The following ARHGAP42 variants were observed in gnomAD, a reference collection of about 807,000 sequenced individuals.
ARHGAP42 encodes Rho GTPase activating protein 42.
In ARHGAP42, 63 loss-of-function variants were observed where a neutral mutation model predicts 125.0. The observed-to-expected ratio is 0.50, with a 90% CI of 0.41 to 0.62. The LOEUF (loss-of-function observed/expected upper bound fraction) is 0.62. Ranked by LOEUF, ARHGAP42 falls within the 20% of genes least tolerant of loss-of-function variation. ARHGAP42 has a pLI of 0.00. For synonymous variants in ARHGAP42, 339 were observed against 351.0 expected, an observed-to-expected ratio of 0.97 and a Z score of 0.38; for missense variants, 766 against 1,024.2, an observed-to-expected ratio of 0.75 and a Z score of 3.44.
intron 3 of ARHGAP42, among the ~76,000 whole-genome samples, chr11:100,826,778 G>A (rs1281090651): frequency 6.6e-6 from 1 of 152,042 alleles, no homozygotes; most frequent in African/African-American, 2.4e-5. Flanking sequence ...CTGTCTCTCT[G>A]GGGTATGTAA....
At chr11:100,860,644 C>T (rs1865423973) in intron 4 of ARHGAP42, among the ~76,000 whole-genome samples, 1 of 152,028 alleles carries the variant, frequency 6.6e-6, no homozygotes, top group Admixed American at 6.6e-5. Flanking sequence ...TGAAGTCTTG[C>T]CAGACTTCAT....
At chr11:100,945,087 T>C (rs1867981035) in intron 10 of ARHGAP42, among the ~76,000 whole-genome samples, 1 of 152,108 alleles carries the variant, frequency 6.6e-6, no homozygotes, top group Non-Finnish European at 1.5e-5. Context: ...AATCCGTTGT[T>C]GTCATTCAAA....
chr11:100,977,579 C>T (rs1210947982), intron 21 of ARHGAP42, among the ~76,000 whole-genome samples: 1 of 152,060 alleles, frequency 6.6e-6, no homozygotes, highest in Non-Finnish European at 1.5e-5. Context: ...CCTGGCTAAA[C>T]AAGTAAGCAA....
chr11:100,897,773 A>G (rs976208384), intron 4 of ARHGAP42, among the ~76,000 whole-genome samples: 1 of 152,182 alleles, frequency 6.6e-6, no homozygotes, highest in Non-Finnish European at 1.5e-5. Context: ...GTATACAGTC[A>G]TGTCATCTGC....
At chr11:100,951,997 T>A (rs1441121574) in intron 12 of ARHGAP42, among the ~76,000 whole-genome samples, 4 of 152,204 alleles carry the variant, frequency 2.6e-5, no homozygotes, top group Non-Finnish European at 5.9e-5. Flanking sequence ...TAGGCTTTTA[T>A]TACCCAAGGG....
At chr11:100,798,610 TA>T (rs1863777719) in intron 3 of ARHGAP42, among the ~76,000 whole-genome samples, 2 of 152,236 alleles carry the variant, frequency 1.3e-5, no homozygotes, top group African/African-American at 4.8e-5. Context: ...AAATATAACT[TA>T]TTTGCACTGG....
At chr11:100,924,908 A>T (rs1398979570) in intron 6 of ARHGAP42, among the ~76,000 whole-genome samples, 6 of 151,636 alleles carry the variant, frequency 4.0e-5, no homozygotes, top group Non-Finnish European at 8.8e-5. Flanking sequence ...GCTCACTGCA[A>T]CCTCCACCTG....
chr11:100,916,618 T>C (rs114798019), intron 5 of ARHGAP42, among the ~76,000 whole-genome samples: 2,120 of 152,296 alleles, frequency 0.014, 52 homozygotes, highest in African/African-American at 0.048. Flanking sequence ...CACACTTTTG[T>C]TCTCCTGGTG....
At chr11:100,896,911 G>T (rs1302385227) in intron 4 of ARHGAP42, among the ~76,000 whole-genome samples, 1 of 152,126 alleles carries the variant, frequency 6.6e-6, no homozygotes. Context: ...TGAAGTCCTT[G>T]CCCATGCCTA....
intron 12 of ARHGAP42, among the ~76,000 whole-genome samples, chr11:100,956,616 A>G (rs1479703668): frequency 2.0e-4 from 31 of 152,056 alleles, no homozygotes; most frequent in Non-Finnish European, 8.8e-5. Context: ...TCTTGCAGGG[A>G]GGGACAACAG....
At chr11:100,961,110 T>G in intron 14 of ARHGAP42, 121 bp downstream of exon 14, 1 of 601,464 alleles carries the variant, frequency 1.7e-6, no homozygotes, top group Non-Finnish European at 2.6e-6. Context: ...AGTTCATATA[T>G]GTATTCAGTT....
Position 100,976,851 on chromosome 11 carries a change from C to T in ARHGAP42, c.2273C>T (p.Thr758Ile). ...TACAGTGGATCTATTCAAAGCTTAA[C>T]TTCTGTAGGTTCCAAGGAGACACCC... The part of the protein sequence containing the change: ...KSYSGSIQSL[T>I]SVGSKETPKA... The change falls in exon 21 of 24, where the codon ACT (threonine) becomes ATT (isoleucine). Residue 758 changes from threonine (T) to isoleucine (I), a missense_variant. Thr to Ile is a moderately conservative substitution (Grantham distance 89). This residue lies in a region of ARHGAP42 where 308 missense variants were observed against 369.7 expected (regional missense o/e 0.83). Coordinates refer to ENST00000298815, the MANE Select transcript of ARHGAP42 (RefSeq NM_152432.4). 1 of 1,551,270 alleles carries T rather than the reference C, an allele frequency of 6.4e-7. No individual in the cohort carries two copies. Among genetic ancestry groups the T allele is most frequent in the Non-Finnish European group, 8.7e-7 (1 of 1,146,844 alleles).
At chr11:100,877,424 G>A (rs1865847150) in intron 4 of ARHGAP42, among the ~76,000 whole-genome samples, 1 of 152,182 alleles carries the variant, frequency 6.6e-6, no homozygotes, top group Non-Finnish European at 1.5e-5. Context: ...CTTTGCTCAT[G>A]TAAGTTTACT....
chr11:100,783,392 C>T (rs1863359062), intron 2 of ARHGAP42, among the ~76,000 whole-genome samples: 1 of 152,180 alleles, frequency 6.6e-6, no homozygotes, highest in South Asian at 2.1e-4. Context: ...GCTGAGATCA[C>T]ACCACTGCAC....
chr11:100,930,487 C>T (rs576283479), intron 6 of ARHGAP42, among the ~76,000 whole-genome samples: 228 of 152,266 alleles, frequency 1.5e-3, no homozygotes, highest in African/African-American at 5.2e-3. Context: ...TCTTATGTGC[C>T]TTCCATAGGA....
chr11:100,716,298 C>A lies in ARHGAP42; in HGVS notation c.154+28466C>A, dbSNP rs544530859. Among the ~76,000 whole-genome samples, 85 of 152,272 alleles carry A rather than the reference C, an allele frequency of 5.6e-4. 1 individual carries two copies. Among genetic ancestry groups the A allele is most frequent in the South Asian group, 2.7e-3 (13 of 4,830 alleles). Reference sequence around the variant, plus strand: ...CAGCAATGCAGCACATACCACTGCACATTTTAAGACCTGCTTGTGGTTCAC... The same window carrying A: ...CAGCAATGCAGCACATACCACTGCAAATTTTAAGACCTGCTTGTGGTTCAC... On this transcript the variant is annotated intron_variant, in intron 1 of 23. Coordinates refer to ENST00000298815, the MANE Select transcript of ARHGAP42 (RefSeq NM_152432.4).
intron 3 of ARHGAP42, among the ~76,000 whole-genome samples, chr11:100,805,826 T>G (rs1486542159): frequency 6.6e-6 from 1 of 152,182 alleles, no homozygotes; most frequent in Non-Finnish European, 1.5e-5. Flanking sequence ...TGCATTATAA[T>G]TAATGTATAA....
intron 8 of ARHGAP42, among the ~76,000 whole-genome samples, chr11:100,937,869 C>T (rs917029292): frequency 6.6e-6 from 1 of 152,144 alleles, no homozygotes; most frequent in African/African-American, 2.4e-5. Flanking sequence ...TATTGTCAAG[C>T]TGTTGGACAT....
Position 100,812,360 on chromosome 11 carries a change from A to G in ARHGAP42, c.312+17194A>G, listed in dbSNP as rs946364021. Among the ~76,000 whole-genome samples the G allele has an allele frequency of 5.6e-4, 85 of 152,334 alleles. 1 individual carries two copies. The highest frequency in any genetic ancestry group is 1.9e-3 in the African/African-American group (79 of 41,582). ...ATTTATTTTCAACAAATATTTATTA[A>G]TCTCTTTCTCTGGGCTGGATATTGC... On this transcript the variant is annotated intron_variant, in intron 3 of 23. Coordinates refer to ENST00000298815, the MANE Select transcript of ARHGAP42 (RefSeq NM_152432.4).
Sources: allele counts gnomAD v4.1 joint callset (sites outside exome capture counted in the v4.1 genomes callset), GRCh38; gene constraint gnomAD v4.1.1; regional missense constraint gnomAD v4.1.1; transcripts MANE v1.5; gene names NCBI Gene and HGNC (gene_info 2026-07-23, HGNC 2026-07-21).